PRKAG3: variants seen among roughly 807,000 people sequenced by gnomAD.
PRKAG3 encodes the protein protein kinase AMP-activated non-catalytic subunit gamma 3.
Under a neutral mutation model 56.5 loss-of-function variants are expected in PRKAG3, and 39 were observed. The ratio of observed to expected loss-of-function variants is 0.69; its 90% CI spans 0.53 to 0.90. The LOEUF (loss-of-function observed/expected upper bound fraction) is 0.90, where lower values mean the gene tolerates loss of function less well. PRKAG3 is among the 40% of genes least tolerant of loss of function. The pLI, the probability that PRKAG3 is intolerant of heterozygous loss-of-function variation, is 0.00. For synonymous variants in PRKAG3, 243 were observed against 250.1 expected (o/e 0.97, Z 0.27); for missense variants, 628 against 627.5 (o/e 1.00, Z -0.01).
intron 5 of PRKAG3, 48 bp downstream of exon 5, chr2:218,828,471 T>TCC: frequency 6.5e-7 from 1 of 1,531,650 alleles, no homozygotes; most frequent in South Asian, 1.2e-5. Flanking sequence ...GTACAAGATC[T>TCC]CCCCCTCACC....
chr2:218,827,500 A>G lies in PRKAG3; in HGVS notation c.875+75T>C. ...GTGTGCCGCCTAGGATGAAGAGGTG[A>G]GTTCAGAGCTGAGTGGGACTGGGGA... On this transcript the variant is annotated intron_variant, in intron 8 of 12. Coordinates refer to ENST00000529249, the Ensembl canonical transcript of PRKAG3. This position sits in a 1 kb window ranked among gnomAD's most constrained non-coding sequence, Gnocchi z 5.3. 6.2e-7 allele frequency: 1 copy of G among 1,600,858 alleles called. No individual in the cohort carries two copies. The highest frequency in any genetic ancestry group is 1.1e-5 in the South Asian group (1 of 90,644).
downstream of PRKAG3, chr2:218,823,060 G>T: frequency 1.0e-6 from 1 of 968,476 alleles, no homozygotes; most frequent in Non-Finnish European, 1.2e-6. Context: ...AGGGCAATTT[G>T]GGAGGGCTGA....
exon 4 of PRKAG3, chr2:218,830,348 C>G (rs145105468): frequency 2.5e-6 from 4 of 1,608,944 alleles, no homozygotes; most frequent in African/African-American, 2.7e-5. Flanking sequence ...GGCCTCCAGC[C>G]CGGTGGACTC....
chr2:218,827,530 G>T lies in PRKAG3; in HGVS notation c.875+45C>A, dbSNP rs1214590385. ...AGAGCTGAGTGGGACTGGGGAAGGG[G>T]ACTGTGGGAGGAGGAGGCTCAGGTG... On this transcript the variant is annotated intron_variant, in intron 8 of 12. Transcript: ENST00000529249. This position sits in a 1 kb window ranked among gnomAD's most constrained non-coding sequence, Gnocchi z 5.3. 4 of 1,604,574 alleles carry T rather than the reference G, an allele frequency of 2.5e-6. No individual in the cohort carries two copies. The highest frequency in any genetic ancestry group is 1.7e-5 in the Admixed American group (1 of 60,018).
At chr2:218,830,673 G>C (rs1234571212) in intron 3 of PRKAG3, 73 bp downstream of exon 3, 8 of 1,546,360 alleles carry the variant, frequency 5.2e-6, no homozygotes, top group African/African-American at 2.7e-5. Context: ...CTGAGGTAGA[G>C]ACCAGACCCA....
Position 218,827,830 on chromosome 2 carries a change from C to T in PRKAG3, c.820+3G>A, listed in dbSNP as rs1204677659. The stretch of plus-strand genomic sequence containing the variant: ...CCCTTTCCGGGTTCCTCTCCCCACT[C>T]ACCCCTCCAGGTCTCAATCTTATGT... On this transcript the variant is annotated splice_donor_region_variant and intron_variant, in intron 7 of 12. Transcript: ENST00000529249. The surrounding 1 kb of genome is among the most constrained non-coding windows in gnomAD (Gnocchi z 5.3). 6.8e-6 allele frequency: 11 copies of T among 1,613,838 alleles called. No individual in the cohort carries two copies. Among genetic ancestry groups the T allele is most frequent in the Non-Finnish European group, 9.3e-6 (11 of 1,179,892 alleles).
exon 4 of PRKAG3, chr2:218,830,288 C>T (rs776946394): frequency 6.2e-7 from 1 of 1,613,350 alleles, no homozygotes; most frequent in South Asian, 1.1e-5. Flanking sequence ...TGGTGGAGTG[C>T]CCACCCCGGC....
Position 218,824,210 on chromosome 2 carries a change from G to A in PRKAG3, c.1353+12C>T. The A allele has an allele frequency of 6.2e-7, 1 of 1,614,048 alleles. No homozygotes were observed. Among genetic ancestry groups the A allele is most frequent in the Non-Finnish European group, 8.5e-7 (1 of 1,179,984 alleles). On this transcript the variant is annotated intron_variant, in intron 12 of 12. Transcript: ENST00000529249. ...ATATGTGTTGGGGGCATGAATGGAG[G>A]GCACACGGTACCTGCTCCCGAGCAA...
Position 218,827,024 on chromosome 2 carries a change from C to A in PRKAG3, c.1072G>T (p.Asp358Tyr), listed in dbSNP as rs762945058. Reference sequence around the variant, plus strand: ...GCTGTCTCCAGCACCACAGCCAAGTCTCGGAATGTGCCGATGCCCAAATCT... The same window carrying A: ...GCTGTCTCCAGCACCACAGCCAAGTATCGGAATGTGCCGATGCCCAAATCT... Residue 358 changes from aspartate to tyrosine, a missense_variant, in exon 10 of 13, where the codon GAC becomes TAC. Transcript: ENST00000529249. This position sits in a 1 kb window ranked among gnomAD's most constrained non-coding sequence, Gnocchi z 5.3. 8 of 1,614,008 alleles carry A rather than the reference C, an allele frequency of 5.0e-6. No individual in the cohort carries two copies. The highest frequency in any genetic ancestry group is 6.8e-6 in the Non-Finnish European group (8 of 1,180,066).
chr2:218,828,695 C>T, intron 4 of PRKAG3, 95 bp from the exon 5 acceptor site: 7 of 1,042,754 alleles, frequency 6.7e-6, no homozygotes, highest in Non-Finnish European at 8.4e-6. Context: ...GCCTGCTGTC[C>T]CCTCCCTGTC....
exon 13 of PRKAG3, chr2:218,823,569 C>A (rs1943884491): frequency 1.6e-6 from 2 of 1,253,488 alleles, no homozygotes; most frequent in Middle Eastern, 2.9e-4. Context: ...CACTCCCATC[C>A]TCAGGGTGTC....
At chr2:218,826,031 T>A (rs1461485012) in intron 10 of PRKAG3, among the ~76,000 whole-genome samples, 2 of 152,166 alleles carry the variant, frequency 1.3e-5, no homozygotes, top group African/African-American at 4.8e-5. Context: ...AGTGCTGGGA[T>A]TACAGGCATG....
rs750273567 is a variant in PRKAG3 at position 218,827,799 on chromosome 2, C to T, written c.820+34G>A. On this transcript the variant is annotated intron_variant, in intron 7 of 12. Coordinates refer to ENST00000529249, the Ensembl canonical transcript of PRKAG3. This position sits in a 1 kb window ranked among gnomAD's most constrained non-coding sequence, Gnocchi z 5.3. ...ACCTTAAGCCCTGGCCCACCATCAC[C>T]AACAGCCCTTTCCGGGTTCCTCTCC... 6.9e-7 allele frequency: 1 copy of T among 1,458,230 alleles called. No individual in the cohort carries two copies. Among genetic ancestry groups the T allele is most frequent in the Admixed American group, 2.2e-5 (1 of 44,898 alleles). The allele number at this position is 1,458,230 out of a possible 1,614,324, so 90.3% of individuals were successfully genotyped here.
intron 1 of PRKAG3, 81 bp from the exon 2 acceptor site, chr2:218,831,456 C>T (rs1266195622): frequency 3.2e-6 from 4 of 1,246,050 alleles, no homozygotes; most frequent in Admixed American, 4.6e-5. Context: ...CACGCCTACA[C>T]ACCCATGCAC....
At chr2:218,828,946 G>A (rs576080217) in intron 4 of PRKAG3, among the ~76,000 whole-genome samples, 16 of 152,328 alleles carry the variant, frequency 1.1e-4, no homozygotes, top group African/African-American at 3.6e-4. Context: ...GATAGACTAA[G>A]TACCGGAGGC....
Position 218,826,503 on chromosome 2 carries a change from T to G in PRKAG3, c.1168+425A>C, listed in dbSNP as rs950673705. ...ACAGGGTCTTGCTCTGTTGCCCAGG[T>G]TGGAGTGTCACTGTATGTAAACTCA... is the stretch of plus-strand genomic sequence containing the variant. On this transcript the variant is annotated intron_variant, in intron 10 of 12. Coordinates refer to ENST00000529249, the Ensembl canonical transcript of PRKAG3. The G allele has an allele frequency of 8.6e-5, 20 of 233,210 alleles. No homozygotes were observed. The East Asian group carries it at 2.0e-3, about 23-fold the overall frequency. The allele number at this position is 233,210 out of a possible 1,614,324, so 14.4% of individuals were successfully genotyped here.
intron 3 of PRKAG3, 64 bp downstream of exon 3, chr2:218,830,682 C>T (rs1205809955): frequency 3.2e-6 from 5 of 1,570,970 alleles, no homozygotes; most frequent in African/African-American, 1.4e-5. Flanking sequence ...AGACCAGACC[C>T]AGGCTCCTCT....
chr2:218,826,534 C>T (rs1943934655), intron 10 of PRKAG3: 1 of 296,938 alleles, frequency 3.4e-6, no homozygotes, highest in Admixed American at 4.4e-5. Context: ...ACTCAAACTC[C>T]TGGCCTCAAG....
In PRKAG3 at chr2:218,827,473, C is replaced by A; in HGVS notation, c.876-100G>T. The A allele has an allele frequency of 6.2e-7, 1 of 1,603,840 alleles. No homozygotes were observed. Among genetic ancestry groups the A allele is most frequent in the South Asian group, 1.1e-5 (1 of 90,636 alleles). Reference sequence around the variant, plus strand: ...GGGCAGGGCACCAAGGCTCCCTTGTCTGTGTGCCGCCTAGGATGAAGAGGT... The same window carrying A: ...GGGCAGGGCACCAAGGCTCCCTTGTATGTGTGCCGCCTAGGATGAAGAGGT... On this transcript the variant is annotated intron_variant, in intron 8 of 12. Transcript: ENST00000529249. The surrounding 1 kb of genome is among the most constrained non-coding windows in gnomAD (Gnocchi z 5.3).
Sources: gnomAD v4.1 joint callset for allele counts (sites outside exome capture counted in the v4.1 genomes callset) on GRCh38, gnomAD v4.1.1 for gene constraint, Gnocchi (gnomAD v3.1) non-coding constraint, MANE v1.5 for transcripts, NCBI Gene and HGNC (gene_info 2026-07-23, HGNC 2026-07-21) for gene names.